The following ERC2 variants were observed in gnomAD, a reference collection of about 807,000 sequenced individuals.
ERC2 encodes ELKS/RAB6-interacting/CAST family member 2.
In ERC2, 42 loss-of-function variants were observed where a neutral mutation model predicts 114.8. The ratio of observed to expected loss-of-function variants is 0.37; its 90% CI spans 0.29 to 0.47. The LOEUF (loss-of-function observed/expected upper bound fraction) is 0.47, where lower values mean the gene tolerates loss of function less well. ERC2 is among the 20% of genes least tolerant of loss of function. The probability of loss-of-function intolerance (pLI) is 0.99; values close to 1 mark genes in which losing one functional copy is unlikely to be tolerated. For synonymous variants in ERC2, 454 were observed against 425.5 expected, an observed-to-expected ratio of 1.07 and a Z score of -0.82; for missense variants, 939 against 1,150.7, an observed-to-expected ratio of 0.82 and a Z score of 2.66.
intron 12 of ERC2, among the ~76,000 whole-genome samples, chr3:55,972,065 C>A (rs1313690433): frequency 6.6e-6 from 1 of 152,118 alleles, no homozygotes; most frequent in Non-Finnish European, 1.5e-5. Flanking sequence ...AATCTATGTA[C>A]CTATCATTCC....
At chr3:55,946,179 G>C (rs1399196312) in intron 13 of ERC2, among the ~76,000 whole-genome samples, 2 of 152,128 alleles carry the variant, frequency 1.3e-5, no homozygotes, top group Non-Finnish European at 2.9e-5. Flanking sequence ...CTCCATGTGG[G>C]CTCTGATGGG....
At chr3:56,347,961 A>G (rs2058371155) in intron 2 of ERC2, among the ~76,000 whole-genome samples, 1 of 152,208 alleles carries the variant, frequency 6.6e-6, no homozygotes, top group Non-Finnish European at 1.5e-5. Flanking sequence ...CCTGACTGAT[A>G]CATAGTCCAG....
chr3:55,869,230 A>G (rs1352557827), intron 14 of ERC2, among the ~76,000 whole-genome samples: 2 of 152,142 alleles, frequency 1.3e-5, no homozygotes, highest in Non-Finnish European at 2.9e-5. Context: ...AAATGGAGGA[A>G]AAAGGGGGTC....
At chr3:55,654,945 C>T (rs1042913043) in intron 17 of ERC2, among the ~76,000 whole-genome samples, 2 of 152,224 alleles carry the variant, frequency 1.3e-5, no homozygotes, top group Non-Finnish European at 2.9e-5. Context: ...GCAGCCCAAC[C>T]TCTAACTGCC....
intron 17 of ERC2, among the ~76,000 whole-genome samples, chr3:55,571,093 A>ACT (rs200932775): frequency 0.15 from 20,486 of 139,994 alleles, 1,694 homozygotes; most frequent in Middle Eastern, 0.19. Flanking sequence ...GTGCCACTGC[A>ACT]CTCCAGCCTG....
At chr3:56,155,500 A>G (rs1172144118) in intron 4 of ERC2, among the ~76,000 whole-genome samples, 6 of 151,992 alleles carry the variant, frequency 3.9e-5, no homozygotes, top group South Asian at 4.1e-4. Context: ...TGAACCATCC[A>G]CTCTCCAGAA....
chr3:55,851,188 T>TTTTTTTTTTTTTTTTTTTTGAGACGG (rs1427189122), intron 14 of ERC2, among the ~76,000 whole-genome samples: 6 of 147,998 alleles, frequency 4.1e-5, no homozygotes, highest in African/African-American at 1.2e-4. Context: ...ATGATTTTTT[T>TTTTTTTTTTTTTTTTTTTTGAGACGG]AAGCCCATGC....
chr3:55,913,316 G>A (rs2064918157), intron 13 of ERC2, among the ~76,000 whole-genome samples: 2 of 152,216 alleles, frequency 1.3e-5, no homozygotes, highest in Middle Eastern at 3.4e-3. Context: ...GGGTCTTATG[G>A]TTATTTCCAA....
intron 3 of ERC2, among the ~76,000 whole-genome samples, chr3:56,177,542 G>A (rs2083046788): frequency 6.6e-6 from 1 of 152,140 alleles, no homozygotes; most frequent in Non-Finnish European, 1.5e-5. Flanking sequence ...CAGGAGGAGT[G>A]GATTCTTTCT....
rs73086191 is a variant in ERC2, at chr3:55,970,609, T to C, written c.2267+15368A>G. ...AAAGATCTTCAATCTCACTAGTCAT[T>C]AGAAAAATGTAAATCAAAACCACAA... is the stretch of plus-strand genomic sequence containing the variant. On this transcript the variant is annotated intron_variant, in intron 12 of 17. Transcript: ENST00000288221. 8.5e-3 allele frequency among the ~76,000 whole-genome samples: 1,299 copies of C among 152,138 alleles called. 6 individuals carry two copies. The highest frequency in any genetic ancestry group is 0.014 in the Non-Finnish European group (957 of 67,984).
intron 17 of ERC2, among the ~76,000 whole-genome samples, chr3:55,597,167 T>C (rs1031986379): frequency 3.5e-4 from 54 of 152,296 alleles, no homozygotes; most frequent in African/African-American, 1.3e-3. Flanking sequence ...ACGCCTGTAA[T>C]CCCAGCACTT....
chr3:55,938,374 C>T (rs2066583908), intron 13 of ERC2, among the ~76,000 whole-genome samples: 1 of 152,194 alleles, frequency 6.6e-6, no homozygotes, highest in Non-Finnish European at 1.5e-5. Context: ...CTAACTACTA[C>T]CCTGGTCTCA....
At chr3:56,326,264 C>T (rs1035221515) in intron 2 of ERC2, among the ~76,000 whole-genome samples, 2 of 152,186 alleles carry the variant, frequency 1.3e-5, no homozygotes, top group African/African-American at 4.8e-5. Flanking sequence ...AGTGGACACA[C>T]AGGAAGAGTG....
intron 14 of ERC2, among the ~76,000 whole-genome samples, chr3:55,744,056 G>T (rs766663402): frequency 6.6e-6 from 1 of 152,206 alleles, no homozygotes; most frequent in Non-Finnish European, 1.5e-5. Flanking sequence ...TGGGAAGTTG[G>T]CTGTCTGCAA....
At chr3:56,431,824 T>C (rs2061804399) in intron 2 of ERC2, among the ~76,000 whole-genome samples, 1 of 152,222 alleles carries the variant, frequency 6.6e-6, no homozygotes, top group Non-Finnish European at 1.5e-5. Context: ...TTACTTGTAT[T>C]AAATATACAG....
chr3:55,700,081 T>A (rs2063142809), intron 15 of ERC2, among the ~76,000 whole-genome samples: 1 of 152,266 alleles, frequency 6.6e-6, no homozygotes, highest in Non-Finnish European at 1.5e-5. Context: ...TAACCGATTT[T>A]GTTCCTTAAG....
intron 13 of ERC2, among the ~76,000 whole-genome samples, chr3:55,930,454 T>G (rs1576244314): frequency 6.6e-6 from 1 of 151,934 alleles, no homozygotes; most frequent in East Asian, 1.9e-4. Context: ...ACACCACACA[T>G]CTACAACCAT....
intron 2 of ERC2, among the ~76,000 whole-genome samples, chr3:56,374,277 T>C (rs2059458430): frequency 6.6e-6 from 1 of 152,142 alleles, no homozygotes. Flanking sequence ...TTTTGTATTT[T>C]TAGTAGAGAC....
intron 14 of ERC2, among the ~76,000 whole-genome samples, chr3:55,764,815 C>A (rs1016274556): frequency 2.0e-5 from 3 of 152,154 alleles, no homozygotes; most frequent in African/African-American, 7.2e-5. Flanking sequence ...GGCCTCCTTT[C>A]ACCTGTTTCT....
Sources: allele counts gnomAD v4.1 joint callset (sites outside exome capture counted in the v4.1 genomes callset), GRCh38; gene constraint gnomAD v4.1.1; transcripts MANE v1.5; gene names NCBI Gene and HGNC (gene_info 2026-07-23, HGNC 2026-07-21).